Variants in LYST observed in about 807,000 individuals in gnomAD.
LYST encodes the protein lysosomal-trafficking regulator.
Under a neutral mutation model 413.6 loss-of-function variants are expected in LYST, and 192 were observed. The observed-to-expected ratio is 0.46, with a 90% CI of 0.41 to 0.52. The LOEUF is 0.52. Ranked by LOEUF, LYST falls within the 20% of genes least tolerant of loss-of-function variation. LYST has a pLI of 0.00. For missense variants in LYST, 3,815 were observed against 4,499.9 expected, an observed-to-expected ratio of 0.85 and a Z score of 4.35; for synonymous variants, 1,525 against 1,567.3, an observed-to-expected ratio of 0.97 and a Z score of 0.64.
At chr1:235,731,318 G>C (rs1664359336) in intron 34 of LYST, 141 bp from the exon 35 acceptor site, 1 of 753,004 alleles carries the variant, frequency 1.3e-6, no homozygotes, top group African/African-American at 1.7e-5. Flanking sequence ...TATTTGATCA[G>C]GGAATGCATA....
At chr1:235,737,967 G>T in intron 31 of LYST, 1 of 1,356,130 alleles carries the variant, frequency 7.4e-7, no homozygotes, top group South Asian at 1.9e-5. Flanking sequence ...GTGCATTCTC[G>T]ATTCCTTTTG....
chr1:235,797,506 C>T (rs1671679124), intron 10 of LYST, among the ~76,000 whole-genome samples: 1 of 152,044 alleles, frequency 6.6e-6, no homozygotes, highest in South Asian at 2.1e-4. Context: ...GGTGCCAAAA[C>T]CATTCAATGG....
intron 1 of LYST, among the ~76,000 whole-genome samples, chr1:235,879,026 A>G (rs937180565): frequency 6.6e-6 from 1 of 152,144 alleles, no homozygotes; most frequent in Non-Finnish European, 1.5e-5. Flanking sequence ...ATTTTTTAAG[A>G]GACAGGATCT....
At chr1:235,770,405 G>C in intron 19 of LYST, 108 bp from the exon 20 acceptor site, 2 of 999,430 alleles carry the variant, frequency 2.0e-6, no homozygotes, top group South Asian at 2.6e-5. Context: ...TATATATTCA[G>C]TATCAAAGAT....
intron 21 of LYST, among the ~76,000 whole-genome samples, chr1:235,764,424 C>T (rs1223422686): frequency 2.0e-5 from 3 of 151,560 alleles, no homozygotes; most frequent in Non-Finnish European, 2.9e-5. Flanking sequence ...CAAAGTCATG[C>T]TATCTAATTT....
intron 27 of LYST, among the ~76,000 whole-genome samples, chr1:235,751,656 G>A (rs375484347): frequency 1.4e-4 from 22 of 151,832 alleles, no homozygotes; most frequent in Middle Eastern, 3.4e-3. Context: ...AAGTTTAACC[G>A]GCAATTATCA....
At chr1:235,744,991 T>C (rs998727849) in intron 29 of LYST, among the ~76,000 whole-genome samples, 1 of 152,108 alleles carries the variant, frequency 6.6e-6, no homozygotes, top group African/African-American at 2.4e-5. Context: ...TCATTAACAA[T>C]TACTGTTTTC....
chr1:235,672,390 C>A (rs1482972886), intron 50 of LYST, among the ~76,000 whole-genome samples: 2 of 152,056 alleles, frequency 1.3e-5, no homozygotes, highest in Non-Finnish European at 2.9e-5. Context: ...GAGGAACCAG[C>A]AAAAGACTGA....
intron 1 of LYST, among the ~76,000 whole-genome samples, chr1:235,844,964 G>A (rs1358027573): frequency 6.6e-6 from 1 of 152,046 alleles, no homozygotes; most frequent in East Asian, 1.9e-4. Flanking sequence ...CTAAAGAGAG[G>A]AGCTCCTGGG....
chr1:235,808,524 T>C lies in LYST; in HGVS notation c.2294A>G (p.His765Arg). 8 of 1,613,912 alleles carry C rather than the reference T, an allele frequency of 5.0e-6. No homozygotes were observed. The highest frequency in any genetic ancestry group is 6.8e-6 in the Non-Finnish European group (8 of 1,179,942). ...CACGTCCTGAGGCAAGCACTGGTTA[T>C]GATGGCTACATACATGACTTTGAGC... is the stretch of plus-strand genomic sequence containing the variant. ...TSAQSHVCSH[H>R]NQCLPQDVLQ... The change falls in exon 5 of 53, where the codon CAT becomes CGT. Residue 765 changes from histidine to arginine, a missense_variant. Coordinates refer to ENST00000389793, the MANE Select transcript of LYST (RefSeq NM_000081.4).
chr1:235,728,077 G>T lies in LYST; in HGVS notation c.9161C>A (p.Ser3054Ter). 1 of 1,609,632 alleles carries T rather than the reference G, an allele frequency of 6.2e-7. No individual in the cohort carries two copies. The highest frequency in any genetic ancestry group is 8.5e-7 in the Non-Finnish European group (1 of 1,176,186). The change falls in exon 38 of 53, where the codon TCG becomes TAG. Residue 3054 changes from serine (S) to a stop codon, truncating the protein, a stop_gained and splice_region_variant. Transcript: ENST00000389793. LOFTEE classifies it high-confidence loss of function. ...EDNASDTVES[S>*]SLQGELEPAS... ...ATACAGACTTAAGCCTCTACTCACC[G>T]AACTTTCAACTGTATCAGAAGCATT... is the stretch of plus-strand genomic sequence containing the variant.
At chr1:235,698,891 A>C (rs1266071707) in intron 45 of LYST, among the ~76,000 whole-genome samples, 1 of 152,070 alleles carries the variant, frequency 6.6e-6, no homozygotes, top group African/African-American at 2.4e-5. Context: ...AAAAACAAAA[A>C]CAAAAAAAAT....
rs560503405 is a variant in LYST at position 235,788,744 on chromosome 1, T to C, written c.4645A>G (p.Ile1549Val). The C allele has an allele frequency of 3.1e-6, 5 of 1,613,860 alleles. No homozygotes were observed. The African/African-American group carries it at 5.3e-5, about 17-fold the overall frequency. ...IISLGSKALMIQVWADPHNAT... is the reference protein window; with the variant it reads ...IISLGSKALMVQVWADPHNAT... ...TTGTGGGGATCAGCCCACACTTGGATCATCAACGCTTTGGATCCCAGTGAA... is the reference window on the plus strand; with the variant it reads ...TTGTGGGGATCAGCCCACACTTGGACCATCAACGCTTTGGATCCCAGTGAA... The change falls in exon 13 of 53, where the codon ATC becomes GTC. Residue 1549 changes from isoleucine (I) to valine (V), a missense_variant. By Grantham distance (29) the Ile-to-Val change is conservative. Around this residue, in one of 4 missense-constraint regions of LYST, gnomAD observed 1,648 missense variants for 1,810.3 expected, o/e 0.91. Transcript: ENST00000389793.
At chr1:235,772,318 T>A (rs1668790470) in intron 19 of LYST, among the ~76,000 whole-genome samples, 2 of 152,112 alleles carry the variant, frequency 1.3e-5, no homozygotes, top group Admixed American at 6.6e-5. Context: ...ATAACCATTT[T>A]AAAAAAATTC....
At chr1:235,883,181 A>C (rs975649506) in intron 1 of LYST, 27 of 152,014 alleles carry the variant, frequency 1.8e-4, no homozygotes, top group African/African-American at 6.3e-4. Flanking sequence ...AAACACTTTA[A>C]CCTACCTGAA....
At position 235,724,159 on chromosome 1, in the gene LYST, G is replaced by A; in HGVS notation, c.9184C>T (p.Pro3062Ser). ...TCATATGTCCAGGAAAATGATGCTGGTTCCAACTCTCCCTGAAGGCTCTAA... is the reference window on the plus strand; with the variant it reads ...TCATATGTCCAGGAAAATGATGCTGATTCCAACTCTCCCTGAAGGCTCTAA... ...ESSSLQGELE[P>S]ASFSWTYEEI... Residue 3062 changes from proline to serine, a missense_variant, in exon 39 of 53, where the codon CCA (proline) becomes TCA (serine). By Grantham distance (74) the Pro-to-Ser change is moderately conservative. Around this residue, in one of 4 missense-constraint regions of LYST, gnomAD observed 866 missense variants for 1,156.0 expected, o/e 0.75. Coordinates refer to ENST00000389793, the MANE Select transcript of LYST (RefSeq NM_000081.4). The A allele has an allele frequency of 1.2e-6, 2 of 1,613,780 alleles. No homozygotes were observed. Among genetic ancestry groups the A allele is most frequent in the Middle Eastern group, 1.7e-4 (1 of 6,058 alleles).
chr1:235,758,027 C>T (rs987573451), intron 23 of LYST, among the ~76,000 whole-genome samples: 2 of 151,988 alleles, frequency 1.3e-5, no homozygotes, highest in Admixed American at 1.3e-4. Flanking sequence ...TCTCAAGAAC[C>T]AAGTGTGAAA....
chr1:235,738,925 A>C (rs777445628), intron 31 of LYST: 1 of 729,422 alleles, frequency 1.4e-6, no homozygotes, highest in African/African-American at 1.7e-5. Flanking sequence ...ACTCCTGAGG[A>C]AGGGGCCCAT....
chr1:235,820,472 C>A (rs539553084), intron 3 of LYST, among the ~76,000 whole-genome samples: 3 of 151,842 alleles, frequency 2.0e-5, no homozygotes, highest in Non-Finnish European at 2.9e-5. Context: ...CAGGCTCAGG[C>A]GATCCTCCCG....
Sources: allele counts gnomAD v4.1 joint callset (sites outside exome capture counted in the v4.1 genomes callset), GRCh38; gene constraint gnomAD v4.1.1; regional missense constraint gnomAD v4.1.1; transcripts MANE v1.5; gene names NCBI Gene and HGNC (gene_info 2026-07-23, HGNC 2026-07-21).